VPS13D: variants seen among roughly 807,000 people sequenced by gnomAD.
VPS13D encodes the protein intermembrane lipid transfer protein VPS13D.
In VPS13D, 187 loss-of-function variants were observed where a neutral mutation model predicts 461.9. The ratio of observed to expected loss-of-function variants is 0.40; its 90% confidence interval spans 0.36 to 0.46. The LOEUF (loss-of-function observed/expected upper bound fraction) is 0.46. Among genes scored for constraint, VPS13D ranks in the 20% least tolerant of loss-of-function variants. VPS13D has a pLI of 0.60. For synonymous variants in VPS13D, 1,951 were observed against 1,986.3 expected (o/e 0.98, Z 0.47); for missense variants, 4,711 against 5,364.9 (o/e 0.88, Z 3.81).
intron 67 of VPS13D, among the ~76,000 whole-genome samples, chr1:12,464,590 T>G (rs557540884): frequency 2.0e-5 from 3 of 152,274 alleles, no homozygotes; most frequent in Admixed American, 6.5e-5. Flanking sequence ...CCTTATGTTC[T>G]TTTAGATTAA....
chr1:12,291,172 G>T (rs1447680746), intron 23 of VPS13D, 48 bp downstream of exon 23: 2 of 1,581,954 alleles, frequency 1.3e-6, no homozygotes, highest in African/African-American at 1.4e-5. Flanking sequence ...CATAATACTT[G>T]CTGTTTCAGA....
At chr1:12,506,363 T>TG (rs895266776) in intron 68 of VPS13D, among the ~76,000 whole-genome samples, 6 of 152,144 alleles carry the variant, frequency 3.9e-5, no homozygotes, top group East Asian at 1.9e-4. Flanking sequence ...ATGAAGTGGA[T>TG]GGGGGGGTGC....
At chr1:12,455,880 C>T in intron 65 of VPS13D, 118 bp from the exon 66 acceptor site, 1 of 1,315,796 alleles carries the variant, frequency 7.6e-7, no homozygotes, top group Non-Finnish European at 1.0e-6. Flanking sequence ...GATCACACCA[C>T]TACAGACCAG....
At chr1:12,389,818 G>C (rs1432536557) in intron 60 of VPS13D, among the ~76,000 whole-genome samples, 2 of 152,206 alleles carry the variant, frequency 1.3e-5, no homozygotes, top group Non-Finnish European at 2.9e-5. Context: ...GTCCTGCCTG[G>C]ATTGGGCTGT....
At chr1:12,285,296 A>ATT (rs67174302) in intron 21 of VPS13D, among the ~76,000 whole-genome samples, 1 of 133,686 alleles carries the variant, frequency 7.5e-6, no homozygotes, top group African/African-American at 2.8e-5. Flanking sequence ...TTATTTATTT[A>ATT]TTTTTTTTTT....
chr1:12,415,057 A>C (rs780019251), intron 63 of VPS13D, 30 bp from the exon 64 acceptor site: 1 of 1,612,208 alleles, frequency 6.2e-7, no homozygotes, highest in Admixed American at 1.7e-5. Flanking sequence ...ATATGACTTA[A>C]GTATGTCATT....
chr1:12,313,992 A>G, intron 29 of VPS13D, 123 bp from the exon 30 acceptor site: 2 of 785,874 alleles, frequency 2.5e-6, no homozygotes, highest in Non-Finnish European at 4.0e-6. Flanking sequence ...TCAGAATGAA[A>G]GTTATTCTCC....
chr1:12,436,418 A>G (rs1645061309), intron 65 of VPS13D, among the ~76,000 whole-genome samples: 1 of 152,222 alleles, frequency 6.6e-6, no homozygotes, highest in Non-Finnish European at 1.5e-5. Context: ...GTGCAGCAGC[A>G]GGACTAGGGA....
chr1:12,328,307 A>G (rs1643243360), intron 36 of VPS13D, among the ~76,000 whole-genome samples: 1 of 151,404 alleles, frequency 6.6e-6, no homozygotes, highest in South Asian at 2.1e-4. Flanking sequence ...AACACTGTTT[A>G]TATGTGAGCT....
chr1:12,419,754 A>G lies in VPS13D; in HGVS notation c.12333+2927A>G, dbSNP rs77329339. On this transcript the variant is annotated intron_variant, in intron 65 of 69. Transcript: ENST00000620676. ...ATTGGGGATTATAATTCAACATGAGATTTGAGGGACAAACACCATACTATA... is the reference window on the plus strand; with the variant it reads ...ATTGGGGATTATAATTCAACATGAGGTTTGAGGGACAAACACCATACTATA... 9.0e-3 allele frequency among the ~76,000 whole-genome samples: 1,367 copies of G among 152,270 alleles called. 10 individuals are homozygous for G. Among genetic ancestry groups the G allele is most frequent in the Non-Finnish European group, 0.011 (729 of 68,016 alleles).
intron 67 of VPS13D, among the ~76,000 whole-genome samples, chr1:12,487,158 A>G (rs1415832039): frequency 2.0e-5 from 3 of 152,138 alleles, no homozygotes; most frequent in Non-Finnish European, 4.4e-5. Context: ...ATAGGTTTTC[A>G]TTCTCCTGAG....
intron 1 of VPS13D, 80 bp from the exon 2 acceptor site, chr1:12,234,111 C>A: frequency 1.7e-6 from 1 of 589,892 alleles, no homozygotes; most frequent in Non-Finnish European, 3.1e-6. Context: ...CATTCATCTA[C>A]CTTCAGGCAG....
chr1:12,353,713 G>A (rs1035078774), intron 46 of VPS13D, among the ~76,000 whole-genome samples: 1 of 152,050 alleles, frequency 6.6e-6, no homozygotes, highest in Non-Finnish European at 1.5e-5. Flanking sequence ...AACTTTCTGG[G>A]GTGAGGGAAA....
chr1:12,435,181 C>A (rs577105470), intron 65 of VPS13D, among the ~76,000 whole-genome samples: 1 of 151,958 alleles, frequency 6.6e-6, no homozygotes, highest in East Asian at 1.9e-4. Flanking sequence ...AATTTAGTAA[C>A]TGAATGGATA....
intron 65 of VPS13D, among the ~76,000 whole-genome samples, chr1:12,446,764 A>G (rs1468684647): frequency 6.6e-6 from 1 of 152,224 alleles, no homozygotes. Flanking sequence ...GGGGTGGAAG[A>G]GGAGACCTCT....
At chr1:12,409,853 C>G in intron 63 of VPS13D, 1 of 456,156 alleles carries the variant, frequency 2.2e-6, no homozygotes, top group Middle Eastern at 3.3e-4. Flanking sequence ...ACAGCCAGGA[C>G]TGGAGAGTTC....
chr1:12,281,596 A>G (rs1184867471), intron 20 of VPS13D, among the ~76,000 whole-genome samples: 1 of 152,094 alleles, frequency 6.6e-6, no homozygotes, highest in African/African-American at 2.4e-5. Flanking sequence ...GGTGCTGTAT[A>G]CTTCATATTA....
At position 12,459,723 on chromosome 1, in the gene VPS13D, C is replaced by T. The variant is rs556550570; in HGVS notation, c.12467-478C>T. Among the ~76,000 whole-genome samples, 14 of 152,136 alleles carry T rather than the reference C, an allele frequency of 9.2e-5. No homozygotes were observed. In the South Asian group the frequency reaches 1.7e-3, roughly 18 times the overall value. On this transcript the variant is annotated intron_variant, in intron 66 of 69. Coordinates refer to ENST00000620676, the MANE Select transcript of VPS13D (RefSeq NM_015378.4). ...CGATCTCTTGACCTCGTGATCTGCC[C>T]GCCGCAGCCTCCCAAAGTGCTGGGA...
intron 7 of VPS13D, among the ~76,000 whole-genome samples, chr1:12,255,008 C>G (rs1310300030): frequency 6.6e-6 from 1 of 151,420 alleles, no homozygotes; most frequent in Non-Finnish European, 1.5e-5. Flanking sequence ...TGCAGTGGCA[C>G]GATCTTGGCT....
Sources: gnomAD v4.1 joint callset for allele counts (sites outside exome capture counted in the v4.1 genomes callset) on GRCh38, gnomAD v4.1.1 for gene constraint, MANE v1.5 for transcripts, NCBI Gene and HGNC (gene_info 2026-07-23, HGNC 2026-07-21) for gene names.